Variants in KCNH1 observed in about 807,000 individuals in gnomAD.
KCNH1 encodes the protein voltage-gated delayed rectifier potassium channel KCNH1.
Under a neutral mutation model 69.2 loss-of-function variants are expected in KCNH1, and 27 were observed. The ratio of observed to expected loss-of-function variants is 0.39; its 90% CI spans 0.29 to 0.54. The LOEUF (loss-of-function observed/expected upper bound fraction) is 0.54. KCNH1 is among the 20% of genes least tolerant of loss of function. KCNH1 has a pLI of 0.68. For synonymous variants in KCNH1, 456 were observed against 487.7 expected (o/e 0.93, Z 0.86); for missense variants, 798 against 1,261.6 (o/e 0.63, Z 5.57).
chr1:211,081,755 G>T (rs1690864098), intron 5 of KCNH1, among the ~76,000 whole-genome samples: 1 of 152,146 alleles, frequency 6.6e-6, no homozygotes, highest in Non-Finnish European at 1.5e-5. Context: ...ACTCATAGTT[G>T]GGAATTGAAC....
chr1:210,800,514 T>C (rs927116208), intron 8 of KCNH1, among the ~76,000 whole-genome samples: 3 of 152,188 alleles, frequency 2.0e-5, no homozygotes, highest in African/African-American at 7.2e-5. Context: ...ATGCGCACTG[T>C]TCCCAGAGCC....
intron 1 of KCNH1, among the ~76,000 whole-genome samples, chr1:211,120,310 C>G (rs1244738584): frequency 6.6e-6 from 1 of 151,902 alleles, no homozygotes; most frequent in African/African-American, 2.4e-5. Flanking sequence ...CTGCTTCAGC[C>G]TCCTTACTAG....
chr1:210,787,825 TA>T (rs1157670737), intron 9 of KCNH1, among the ~76,000 whole-genome samples: 2 of 152,204 alleles, frequency 1.3e-5, no homozygotes, highest in East Asian at 3.8e-4. Flanking sequence ...CTCTGTGACA[TA>T]AATCTGTCCC....
chr1:210,964,465 T>G (rs1316348625), intron 6 of KCNH1, among the ~76,000 whole-genome samples: 1 of 152,078 alleles, frequency 6.6e-6, no homozygotes, highest in Non-Finnish European at 1.5e-5. Context: ...CAGAGAATAC[T>G]ATAAACACCT....
In KCNH1 at chr1:210,962,382, C is replaced by T. The variant is rs536601943; in HGVS notation, c.1033-42313G>A. On this transcript the variant is annotated intron_variant, in intron 6 of 10. Transcript: ENST00000271751. Reference sequence around the variant, plus strand: ...ATGGGTCCCTATTACTTCATCTTGGCAGAAATGGAGTGTGTTCTCCTCCTG... The same window carrying T: ...ATGGGTCCCTATTACTTCATCTTGGTAGAAATGGAGTGTGTTCTCCTCCTG... 4.7e-4 allele frequency among the ~76,000 whole-genome samples: 71 copies of T among 152,036 alleles called. 5 individuals are homozygous for T. The highest frequency in any genetic ancestry group is 1.5e-5 in the Non-Finnish European group (1 of 67,996).
At chr1:210,943,166 T>G (rs1044939298) in intron 6 of KCNH1, among the ~76,000 whole-genome samples, 3 of 152,072 alleles carry the variant, frequency 2.0e-5, no homozygotes, top group African/African-American at 7.2e-5. Context: ...GTTCTGTTGA[T>G]TACAATCAGA....
At chr1:210,964,860 C>T (rs999502568) in intron 6 of KCNH1, among the ~76,000 whole-genome samples, 1 of 152,154 alleles carries the variant, frequency 6.6e-6, no homozygotes, top group African/African-American at 2.4e-5. Context: ...CAATAAAATA[C>T]TGGCAAACCG....
chr1:210,840,393 G>T (rs898864713), intron 7 of KCNH1, among the ~76,000 whole-genome samples: 4 of 152,166 alleles, frequency 2.6e-5, no homozygotes, highest in Admixed American at 2.0e-4. Flanking sequence ...ATATCATGAG[G>T]CAAAAGAAAG....
At chr1:210,691,103 A>T (rs973821029) in intron 10 of KCNH1, among the ~76,000 whole-genome samples, 3 of 152,228 alleles carry the variant, frequency 2.0e-5, no homozygotes, top group African/African-American at 4.8e-5. Context: ...GCCCTTAAGG[A>T]GAGTGCTTGA....
intron 10 of KCNH1, among the ~76,000 whole-genome samples, chr1:210,714,345 T>C (rs1346951251): frequency 6.6e-6 from 1 of 152,264 alleles, no homozygotes; most frequent in Admixed American, 6.5e-5. Flanking sequence ...GGGTTTATAA[T>C]GATACTTGGT....
intron 10 of KCNH1, among the ~76,000 whole-genome samples, chr1:210,762,487 G>A (rs1046641758): frequency 6.6e-6 from 1 of 151,976 alleles, no homozygotes; most frequent in African/African-American, 2.4e-5. Context: ...CTAGCTAGAT[G>A]AACAAAGGAG....
chr1:210,910,067 C>G (rs1045481013), intron 7 of KCNH1, among the ~76,000 whole-genome samples: 5 of 151,560 alleles, frequency 3.3e-5, no homozygotes, highest in African/African-American at 1.2e-4. Flanking sequence ...GGTAAACAGT[C>G]AGAGGTGGTC....
intron 10 of KCNH1, among the ~76,000 whole-genome samples, chr1:210,739,348 G>T (rs1388151313): frequency 1.3e-5 from 2 of 152,320 alleles, no homozygotes; most frequent in Non-Finnish European, 2.9e-5. Context: ...CAACAGTAGG[G>T]TCAGTTATCT....
chr1:211,104,124 A>C (rs1342966865), intron 2 of KCNH1, among the ~76,000 whole-genome samples: 1 of 152,250 alleles, frequency 6.6e-6, no homozygotes, highest in Non-Finnish European at 1.5e-5. Context: ...TGAAATATAG[A>C]CAATGAGAGG....
rs931980947 is a variant in KCNH1 at position 210,679,737 on chromosome 1, T to G, written c.*3544A>C. On this transcript the variant is annotated 3_prime_UTR_variant, in exon 11 of 11. Coordinates refer to ENST00000271751, the MANE Select transcript of KCNH1 (RefSeq NM_172362.3). Reference sequence around the variant, plus strand: ...AGGAGGATTCCAGGAAAGGGGCTGATGTTTGGCCAACAGCAGCACACTGGA... The same window carrying G: ...AGGAGGATTCCAGGAAAGGGGCTGAGGTTTGGCCAACAGCAGCACACTGGA... 2.6e-5 allele frequency: 4 copies of G among 152,186 alleles called. No homozygotes were observed. The highest frequency in any genetic ancestry group is 9.7e-5 in the African/African-American group (4 of 41,446). The allele number at this position is 152,186 out of a possible 1,614,324, so 9.4% of individuals were successfully genotyped here.
At chr1:210,878,057 A>C (rs1205752014) in intron 7 of KCNH1, among the ~76,000 whole-genome samples, 1 of 152,198 alleles carries the variant, frequency 6.6e-6, no homozygotes, top group East Asian at 1.9e-4. Flanking sequence ...AAAAGAAATC[A>C]TTTAGATATT....
At chr1:210,839,387 C>A (rs1462456522) in intron 7 of KCNH1, among the ~76,000 whole-genome samples, 2 of 151,594 alleles carry the variant, frequency 1.3e-5, no homozygotes, top group East Asian at 2.0e-4. Flanking sequence ...CGCTGGGGAA[C>A]AACAAACGCT....
At chr1:210,946,675 T>C (rs1267505049) in intron 6 of KCNH1, among the ~76,000 whole-genome samples, 3 of 152,190 alleles carry the variant, frequency 2.0e-5, no homozygotes, top group Non-Finnish European at 4.4e-5. Flanking sequence ...AAGGCCCTTG[T>C]GGCCTGGCCC....
Position 210,683,198 on chromosome 1 carries a change from G to T in KCNH1, c.*83C>A. ...GGAAAAGCCTACTTGAAAATTGTTG[G>T]TCATGTGGACATATGTGGTAGGGGT... On this transcript the variant is annotated 3_prime_UTR_variant, in exon 11 of 11. Transcript: ENST00000271751. This position sits in a 1 kb window ranked among gnomAD's most constrained non-coding sequence, Gnocchi z 5.7. 2.2e-6 allele frequency: 3 copies of T among 1,335,142 alleles called. No individual in the cohort carries two copies. The South Asian group carries it at 4.2e-5, about 19-fold the overall frequency. 82.7% of individuals were successfully genotyped at this position (1,335,142 alleles called of 1,614,324 possible).
Sources: allele counts gnomAD v4.1 joint callset (sites outside exome capture counted in the v4.1 genomes callset), GRCh38; gene constraint gnomAD v4.1.1; non-coding constraint Gnocchi (gnomAD v3.1); transcripts MANE v1.5; gene names NCBI Gene and HGNC (gene_info 2026-07-23, HGNC 2026-07-21).